The following TRAPPC9 variants were observed in gnomAD, a reference collection of about 807,000 sequenced individuals.
TRAPPC9 encodes IKK2 binding protein.
A neutral mutation model predicts 124.0 loss-of-function variants in TRAPPC9; 83 were observed. That is an observed-to-expected ratio of 0.67 (90% confidence interval 0.56 to 0.80). The LOEUF (loss-of-function observed/expected upper bound fraction) is 0.80. Ranked by LOEUF, TRAPPC9 falls within the 30% of genes least tolerant of loss-of-function variation. The pLI, the probability that TRAPPC9 is intolerant of heterozygous loss-of-function variation, is 0.00. For synonymous variants in TRAPPC9, 638 were observed against 617.5 expected (o/e 1.03, Z -0.49); for missense variants, 1,302 against 1,508.3 (o/e 0.86, Z 2.27).
chr8:140,161,236 G>A (rs1023097082), intron 17 of TRAPPC9, among the ~76,000 whole-genome samples: 7 of 152,106 alleles, frequency 4.6e-5, no homozygotes, highest in Admixed American at 1.3e-4. Flanking sequence ...CACAACACTC[G>A]AGGTAACTCT....
At chr8:140,337,835 A>T (rs932837676) in intron 9 of TRAPPC9, among the ~76,000 whole-genome samples, 1 of 151,818 alleles carries the variant, frequency 6.6e-6, no homozygotes, top group Non-Finnish European at 1.5e-5. Context: ...GGCTGTGCAC[A>T]AACAGCCAAG....
rs772315237 is a variant in TRAPPC9, at chr8:140,287,719, C to T, written c.1870G>A (p.Gly624Arg). 6.8e-6 allele frequency: 11 copies of T among 1,614,042 alleles called. No homozygotes were observed. The highest frequency in any genetic ancestry group is 5.3e-5 in the African/African-American group (4 of 74,926). ...RVENMGLLTS[G>R]VEFESLPAAL... is the part of the protein sequence containing the mutation. ...GCAGGGAGAGACTCGAACTCCACTC[C>T]GCTGGTGAGCAGCCCCTAAACCAAG... Residue 624 changes from glycine (G) to arginine (R), a missense_variant, in exon 13 of 23, where the codon GGA (glycine) becomes AGA (arginine). Physicochemically the swap from Gly to Arg is moderately radical, Grantham distance 125. Transcript: ENST00000438773.
rs1470038018 is a variant in TRAPPC9 at position 139,729,993 on chromosome 8, A to G, written c.*1068T>C. ...CCCCCAGAACAGGACTCTTGTGGGT[A>G]GTGTAGACACACCCCAGCTCTGGCC... On this transcript the variant is annotated 3_prime_UTR_variant, in exon 23 of 23. Transcript: ENST00000438773. Among the ~76,000 whole-genome samples, 1 of 152,092 alleles carries G rather than the reference A, an allele frequency of 6.6e-6. No homozygotes were observed. The highest frequency in any genetic ancestry group is 1.5e-5 in the Non-Finnish European group (1 of 67,980).
At chr8:140,378,489 G>A (rs891515195) in intron 7 of TRAPPC9, among the ~76,000 whole-genome samples, 2 of 152,166 alleles carry the variant, frequency 1.3e-5, no homozygotes, top group African/African-American at 4.8e-5. Flanking sequence ...TTGAGACTCG[G>A]ACTGGCTCTC....
intron 16 of TRAPPC9, among the ~76,000 whole-genome samples, chr8:140,225,392 C>T (rs1013882636): frequency 1.3e-5 from 2 of 152,218 alleles, no homozygotes; most frequent in African/African-American, 4.8e-5. Flanking sequence ...TCACATTCAA[C>T]AACCAACTCC....
intron 21 of TRAPPC9, among the ~76,000 whole-genome samples, chr8:139,801,869 T>A (rs1460064418): frequency 6.6e-6 from 1 of 152,198 alleles, no homozygotes; most frequent in Non-Finnish European, 1.5e-5. Flanking sequence ...CTGTCAACAA[T>A]CTGCGCCTCT....
intron 17 of TRAPPC9, among the ~76,000 whole-genome samples, chr8:140,114,443 A>G (rs989587966): frequency 3.3e-5 from 5 of 152,154 alleles, no homozygotes; most frequent in Admixed American, 1.3e-4. Context: ...TAGAAATCTG[A>G]TATCATAATG....
intron 18 of TRAPPC9, among the ~76,000 whole-genome samples, chr8:140,001,668 T>C (rs1838412229): frequency 6.6e-6 from 1 of 152,154 alleles, no homozygotes; most frequent in Admixed American, 6.6e-5. Context: ...AAGGAAATAC[T>C]ACAAACAACT....
intron 12 of TRAPPC9, 77 bp downstream of exon 12, chr8:140,290,916 C>G: frequency 8.5e-7 from 1 of 1,173,118 alleles, no homozygotes; most frequent in Non-Finnish European, 1.3e-6. Context: ...ATGTGTGCCT[C>G]AGACATTAAG....
intron 15 of TRAPPC9, among the ~76,000 whole-genome samples, chr8:140,260,900 C>T (rs1458218283): frequency 1.3e-5 from 2 of 152,154 alleles, no homozygotes; most frequent in Non-Finnish European, 2.9e-5. Context: ...AGGAGAGGCT[C>T]ATGAAGGTGA....
intron 16 of TRAPPC9, among the ~76,000 whole-genome samples, chr8:140,223,379 C>T (rs968985036): frequency 6.6e-6 from 1 of 152,158 alleles, no homozygotes; most frequent in Admixed American, 6.5e-5. Flanking sequence ...GTCATTGATC[C>T]TAGGCATCGT....
At chr8:140,422,344 T>C (rs934362656) in intron 5 of TRAPPC9, among the ~76,000 whole-genome samples, 11 of 152,128 alleles carry the variant, frequency 7.2e-5, no homozygotes, top group Non-Finnish European at 7.4e-5. Flanking sequence ...CATCCAAATT[T>C]AAAACTTGTA....
At chr8:140,133,553 T>TAAA (rs1391669445) in intron 17 of TRAPPC9, among the ~76,000 whole-genome samples, 1 of 152,118 alleles carries the variant, frequency 6.6e-6, no homozygotes. Flanking sequence ...ATCAGAGTCT[T>TAAA]CCTCAGAGCA....
intron 21 of TRAPPC9, among the ~76,000 whole-genome samples, chr8:139,853,025 C>A (rs1827586036): frequency 6.6e-6 from 1 of 152,220 alleles, no homozygotes; most frequent in South Asian, 2.1e-4. Flanking sequence ...TTCTTTGTAT[C>A]TTCTTTCCCG....
chr8:139,929,273 A>G (rs1361101688), intron 19 of TRAPPC9, among the ~76,000 whole-genome samples: 1 of 152,244 alleles, frequency 6.6e-6, no homozygotes, highest in African/African-American at 2.4e-5. Flanking sequence ...CTAAAGTCTT[A>G]CAAAGCACAG....
chr8:140,218,155 C>T (rs1470613375), intron 17 of TRAPPC9, among the ~76,000 whole-genome samples: 1 of 152,178 alleles, frequency 6.6e-6, no homozygotes, highest in African/African-American at 2.4e-5. Context: ...CACCACGACA[C>T]TCGAACCTCT....
chr8:140,243,254 G>A (rs1254513169), intron 16 of TRAPPC9, among the ~76,000 whole-genome samples: 3 of 152,218 alleles, frequency 2.0e-5, no homozygotes, highest in East Asian at 3.9e-4. Flanking sequence ...CGGAACACAA[G>A]TCAGACGATT....
intron 21 of TRAPPC9, among the ~76,000 whole-genome samples, chr8:139,877,419 G>A (rs749690713): frequency 1.3e-5 from 2 of 152,198 alleles, no homozygotes; most frequent in Non-Finnish European, 2.9e-5. Context: ...CTTCCCACCT[G>A]GAGGATGGGA....
intron 9 of TRAPPC9, among the ~76,000 whole-genome samples, chr8:140,346,520 T>C (rs926345853): frequency 6.6e-6 from 1 of 152,188 alleles, no homozygotes; most frequent in Non-Finnish European, 1.5e-5. Flanking sequence ...CACCACAATT[T>C]TACATGCAAA....
Sources: gnomAD v4.1 joint callset for allele counts (sites outside exome capture counted in the v4.1 genomes callset) on GRCh38, gnomAD v4.1.1 for gene constraint, MANE v1.5 for transcripts, NCBI Gene and HGNC (gene_info 2026-07-23, HGNC 2026-07-21) for gene names.